Variants in PSMC3 observed in about 807,000 individuals in gnomAD.
The protein encoded by PSMC3 is 26S proteasome regulatory subunit 6A.
A neutral mutation model predicts 52.0 loss-of-function variants in PSMC3; 11 were observed. The observed-to-expected ratio is 0.21, with a 90% CI of 0.13 to 0.35. The LOEUF (loss-of-function observed/expected upper bound fraction) is 0.35. PSMC3 is among the 10% of genes least tolerant of loss of function. The pLI is 1.00. For missense variants in PSMC3, 238 were observed against 567.1 expected (o/e 0.42, Z 5.89); for synonymous variants, 201 against 218.8 (o/e 0.92, Z 0.72).
At position 47,418,818 on chromosome 11, in the gene PSMC3, G is replaced by C; in HGVS notation, c.*17C>G. On this transcript the variant is annotated 3_prime_UTR_variant, in exon 12 of 12. Coordinates refer to ENST00000298852, the MANE Select transcript of PSMC3 (RefSeq NM_002804.5). ...ATTGCGCACTTCAGCCGTGAGACTG[G>C]GGCTGGCCTGTGTGCCCTAGGCGTA... The C allele has an allele frequency of 6.2e-7, 1 of 1,602,908 alleles. No individual in the cohort carries two copies. The highest frequency in any genetic ancestry group is 8.5e-7 in the Non-Finnish European group (1 of 1,169,902).
chr11:47,420,761 G>T, intron 8 of PSMC3, 34 bp from the exon 9 acceptor site: 6 of 1,534,936 alleles, frequency 3.9e-6, no homozygotes, highest in Non-Finnish European at 5.3e-6. Flanking sequence ...GCTGGTGAGG[G>T]CACAGCTTAG....
Position 47,422,460 on chromosome 11 carries a change from C to A in PSMC3, c.884+114G>T. The A allele has an allele frequency of 7.6e-7, 1 of 1,314,078 alleles. No individual in the cohort carries two copies. Among genetic ancestry groups the A allele is most frequent in the Non-Finnish European group, 1.1e-6 (1 of 950,840 alleles). The allele number at this position is 1,314,078 out of a possible 1,614,324, so 81.4% of individuals were successfully genotyped here. A position where few individuals can be genotyped will look rare whatever the true frequency, so the allele number is the denominator to read the frequency against. On this transcript the variant is annotated intron_variant, in intron 8 of 11. Coordinates refer to ENST00000298852, the MANE Select transcript of PSMC3 (RefSeq NM_002804.5). This position sits in a 1 kb window ranked among gnomAD's most constrained non-coding sequence, Gnocchi z 4.3. ...TCTCAAGAGTTGAGGAGCCACCATC[C>A]AGGGGCAGGAGGGGATACAGGGTGG...
chr11:47,419,106 G>C lies in PSMC3; in HGVS notation c.1209+10C>G. On this transcript the variant is annotated intron_variant, in intron 11 of 11. Transcript: ENST00000298852. ...ACAAAGCAACGCACCCACCCCAGCT[G>C]ACCACTCACCGCCTCCACACACACA... is the stretch of plus-strand genomic sequence containing the variant. 2 of 1,614,072 alleles carry C rather than the reference G, an allele frequency of 1.2e-6. No homozygotes were observed. Among genetic ancestry groups the C allele is most frequent in the Non-Finnish European group, 1.7e-6 (2 of 1,179,994 alleles).
chr11:47,424,147 G>A lies in PSMC3; in HGVS notation c.490C>T (p.Leu164=). 1 of 1,614,186 alleles carries A rather than the reference G, an allele frequency of 6.2e-7. No individual in the cohort carries two copies. Among genetic ancestry groups the A allele is most frequent in the Non-Finnish European group, 8.5e-7 (1 of 1,180,040 alleles). The change falls in exon 6 of 12, where the codon CTG becomes TTG. Residue 164 remains leucine (L), a synonymous_variant. Coordinates refer to ENST00000298852, the MANE Select transcript of PSMC3 (RefSeq NM_002804.5). The surrounding 1 kb of genome is among the most constrained non-coding windows in gnomAD (Gnocchi z 4.8). ...ACCCGCGAGTCATACTCTGTGGGCAGCGTCTCCAGGATCAGATAGGAGTCT... is the reference window on the plus strand; with the variant it reads ...ACCCGCGAGTCATACTCTGTGGGCAACGTCTCCAGGATCAGATAGGAGTCT... ...NKDSYLILET[L]PTEYDSRVKA... is the part of the protein sequence containing the mutation.
chr11:47,421,368 T>C (rs1452351787), intron 8 of PSMC3, among the ~76,000 whole-genome samples: 1 of 151,336 alleles, frequency 6.6e-6, no homozygotes, highest in Non-Finnish European at 1.5e-5. Flanking sequence ...TGGCCCAGCC[T>C]TGGACGGTGC....
chr11:47,425,977 A>G, intron 1 of PSMC3, 27 bp from the exon 2 acceptor site: 1 of 1,591,354 alleles, frequency 6.3e-7, no homozygotes, highest in Non-Finnish European at 8.6e-7. Context: ...GTTTATTTAT[A>G]TATTTACTTT....
In PSMC3 at chr11:47,422,622, G is replaced by A; in HGVS notation, c.836C>T (p.Ala279Val). Residue 279 changes from alanine (A) to valine (V), a missense_variant, in exon 8 of 12, where the codon GCG (alanine) becomes GTG (valine). Ala to Val is a moderately conservative substitution (Grantham distance 64). Around this residue, in one of 6 missense-constraint regions of PSMC3, gnomAD observed 46 missense variants for 172.9 expected, o/e 0.27. Transcript: ENST00000298852. The surrounding 1 kb of genome is among the most constrained non-coding windows in gnomAD (Gnocchi z 4.3). ...CTCATCAATGAAGATGATAGAGGGC[G>A]CTTTCTCCTTGGCCAGGGCAAAGGC... Reference protein sequence around the residue: ...RDAFALAKEKAPSIIFIDELD... With the variant: ...RDAFALAKEKVPSIIFIDELD... The A allele has an allele frequency of 2.5e-6, 4 of 1,614,192 alleles. No individual in the cohort carries two copies. The highest frequency in any genetic ancestry group is 1.1e-5 in the South Asian group (1 of 91,086).
chr11:47,422,970 C>A lies in PSMC3; in HGVS notation c.595G>T (p.Val199Leu). 1 of 1,607,548 alleles carries A rather than the reference C, an allele frequency of 6.2e-7. No homozygotes were observed. Among genetic ancestry groups the A allele is most frequent in the Non-Finnish European group, 8.5e-7 (1 of 1,176,900 alleles). The change falls in exon 7 of 12, where the codon GTG becomes TTG. Residue 199 changes from valine to leucine, a missense_variant. Coordinates refer to ENST00000298852, the MANE Select transcript of PSMC3 (RefSeq NM_002804.5). This position sits in a 1 kb window ranked among gnomAD's most constrained non-coding sequence, Gnocchi z 4.3. ...GGLDKQIQEL[V>L]EAIVLPMNHK... ...TTCATTGGCAAGACAATGGCCTCCA[C>A]CAGCTGCCAGGAGGAAGTCCTGGGT...
At chr11:47,423,208 G>A (rs1201983708) in intron 6 of PSMC3, among the ~76,000 whole-genome samples, 2 of 151,716 alleles carry the variant, frequency 1.3e-5, no homozygotes, top group African/African-American at 2.4e-5. Flanking sequence ...GACCATCCTG[G>A]CTAACACGGT....
chr11:47,419,991 C>A (rs2096038450), intron 10 of PSMC3, among the ~76,000 whole-genome samples: 1 of 152,086 alleles, frequency 6.6e-6, no homozygotes, highest in Non-Finnish European at 1.5e-5. Context: ...AGGTGTGAGG[C>A]CAGGAAACTA....
In PSMC3 at chr11:47,419,208, G is replaced by C. The variant is rs749121853; in HGVS notation, c.1128-11C>G. The C allele has an allele frequency of 3.7e-6, 6 of 1,613,758 alleles. No homozygotes were observed. The African/African-American group carries it at 8.0e-5, about 22-fold the overall frequency. On this transcript the variant is annotated splice_polypyrimidine_tract_variant and intron_variant, in intron 10 of 11. Transcript: ENST00000298852. ...TAGTTCACGTCAGGACTGGGGACAG[G>C]ACAGATACCACAGGCTCAGTGGCTT...
chr11:47,423,839 C>T (rs1384662963), intron 6 of PSMC3, among the ~76,000 whole-genome samples: 2 of 152,062 alleles, frequency 1.3e-5, no homozygotes, highest in Admixed American at 1.3e-4. Context: ...AGCCTGGGCT[C>T]CAGTCCTGGC....
At chr11:47,420,479 C>CA in intron 9 of PSMC3, 70 bp from the exon 10 acceptor site, 1 of 1,564,122 alleles carries the variant, frequency 6.4e-7, no homozygotes. Context: ...TCAAAAAAGG[C>CA]AGAGAGGCAG....
Position 47,422,932 on chromosome 11 carries a change from C to T in PSMC3, c.633G>A (p.Lys211=), listed in dbSNP as rs138234766. ...GAGGTTGGATCCCCAAGTTCTCAAA[C>T]TTCTCCTTGTGGTTCATTGGCAAGA... is the stretch of plus-strand genomic sequence containing the variant. The part of the protein sequence containing the change: ...AIVLPMNHKE[K]FENLGIQPPK... Residue 211 remains lysine, a synonymous_variant, in exon 7 of 12, where the codon AAG becomes AAA. Transcript: ENST00000298852. This position sits in a 1 kb window ranked among gnomAD's most constrained non-coding sequence, Gnocchi z 4.3. 1.4e-4 allele frequency: 229 copies of T among 1,613,696 alleles called. No individual in the cohort carries two copies. The highest frequency in any genetic ancestry group is 1.9e-4 in the Non-Finnish European group (225 of 1,179,888).
At chr11:47,425,300 A>G in intron 2 of PSMC3, 54 bp from the exon 3 acceptor site, 1 of 1,607,518 alleles carries the variant, frequency 6.2e-7, no homozygotes, top group South Asian at 1.1e-5. Flanking sequence ...AGCTTATGCT[A>G]GAGCCCTGTA....
chr11:47,419,091 G>C, intron 11 of PSMC3, 25 bp downstream of exon 11: 4 of 1,613,678 alleles, frequency 2.5e-6, no homozygotes, highest in Non-Finnish European at 3.4e-6. Context: ...ACAAAGCAAC[G>C]CACCCACCCC....
chr11:47,420,796 C>T (rs571377414), intron 8 of PSMC3, 69 bp from the exon 9 acceptor site: 26 of 1,424,430 alleles, frequency 1.8e-5, no homozygotes, highest in Admixed American at 5.9e-5. Context: ...TCCTCTACCC[C>T]CTGGAAGCCT....
chr11:47,425,148 C>T lies in PSMC3; in HGVS notation c.258G>A (p.Leu86=). ...NSEKIKVNKT[L]PYLVSNVIEL... ...CGATGACGTTGGAGACAAGGTACGG[C>T]AGGGTCTTGTTCACTTTGATTTTCT... The change falls in exon 3 of 12, where the codon CTG becomes CTA. Residue 86 remains leucine (L), a synonymous_variant. Coordinates refer to ENST00000298852, the MANE Select transcript of PSMC3 (RefSeq NM_002804.5). 6.2e-7 allele frequency: 1 copy of T among 1,614,204 alleles called. No homozygotes were observed. Among genetic ancestry groups the T allele is most frequent in the Non-Finnish European group, 8.5e-7 (1 of 1,180,032 alleles).
chr11:47,426,010 T>C, intron 1 of PSMC3, 60 bp from the exon 2 acceptor site: 1 of 1,524,162 alleles, frequency 6.6e-7, no homozygotes, highest in Non-Finnish European at 9.0e-7. Flanking sequence ...GCATCCCTCG[T>C]TCTCCGAACC....
Sources: allele counts gnomAD v4.1 joint callset (sites outside exome capture counted in the v4.1 genomes callset), GRCh38; gene constraint gnomAD v4.1.1; regional missense constraint gnomAD v4.1.1; non-coding constraint Gnocchi (gnomAD v3.1); transcripts MANE v1.5; gene names NCBI Gene and HGNC (gene_info 2026-07-23, HGNC 2026-07-21).